The following DHTKD1 variants were observed in gnomAD, a reference collection of about 807,000 sequenced individuals.
The protein encoded by DHTKD1 is dehydrogenase E1 and transketolase domain containing 1.
DHTKD1 carries 78 observed loss-of-function variants against 101.8 expected under a neutral mutation model. The ratio of observed to expected loss-of-function variants is 0.77; its 90% CI spans 0.64 to 0.93. DHTKD1 has a LOEUF of 0.93. Among genes scored for constraint, DHTKD1 ranks in the 40% least tolerant of loss-of-function variants. The probability of loss-of-function intolerance (pLI) is 0.00; values close to 1 mark genes in which losing one functional copy is unlikely to be tolerated. For missense variants in DHTKD1, 1,223 were observed against 1,161.7 expected (o/e 1.05, Z -0.77); for synonymous variants, 462 against 450.3 (o/e 1.03, Z -0.33).
intron 5 of DHTKD1, among the ~76,000 whole-genome samples, chr10:12,090,603 C>T (rs903027895): frequency 2.6e-5 from 4 of 152,102 alleles, no homozygotes; most frequent in African/African-American, 9.7e-5. Context: ...CTGTCTCAGC[C>T]TCCCAAGTAG....
Position 12,106,277 on chromosome 10 carries a change from T to C in DHTKD1, c.1928T>C (p.Val643Ala), listed in dbSNP as rs750414743. 6 of 1,614,000 alleles carry C rather than the reference T, an allele frequency of 3.7e-6. No homozygotes were observed. In the East Asian group the frequency reaches 1.1e-4, roughly 30 times the overall value. Residue 643 changes from valine to alanine, a missense_variant, in exon 11 of 17, where the codon GTC becomes GCC. Coordinates refer to ENST00000263035, the MANE Select transcript of DHTKD1 (RefSeq NM_018706.7). ...AACAGCCCACTGTCAGAAGAGGCCGTCCTGGGATTTGAATATGGGATGAGC... is the reference window on the plus strand; with the variant it reads ...AACAGCCCACTGTCAGAAGAGGCCGCCCTGGGATTTGAATATGGGATGAGC... ...VSNSPLSEEA[V>A]LGFEYGMSIE...
intron 1 of DHTKD1, among the ~76,000 whole-genome samples, chr10:12,078,595 A>G (rs940133769): frequency 1.3e-5 from 2 of 152,128 alleles, no homozygotes; most frequent in Non-Finnish European, 2.9e-5. Context: ...TGGGTGACAG[A>G]GTGAGACTCC....
At chr10:12,111,229 A>G (rs1833325133) in intron 12 of DHTKD1, among the ~76,000 whole-genome samples, 1 of 152,088 alleles carries the variant, frequency 6.6e-6, no homozygotes, top group Non-Finnish European at 1.5e-5. Context: ...GCAATGCTGC[A>G]GTCTTGGCTC....
intron 1 of DHTKD1, among the ~76,000 whole-genome samples, chr10:12,069,647 C>G (rs1473870427): frequency 2.2e-5 from 3 of 138,526 alleles, no homozygotes; most frequent in South Asian, 2.4e-4. Flanking sequence ...CTCAGCGTCC[C>G]GAGTAGCTGG....
rs555477508 is a variant in DHTKD1 at position 12,107,007 on chromosome 10, C to G, written c.2047+611C>G. Among the ~76,000 whole-genome samples the G allele has an allele frequency of 1.3e-4, 19 of 146,306 alleles. 1 individual carries two copies. Among genetic ancestry groups the G allele is most frequent in the Admixed American group, 7.6e-4 (11 of 14,502 alleles). ...CTTTTCTTTTTTTTTTTTTTTGAGA[C>G]GGAGTCTCGCTCTGTCACCCAGGCT... On this transcript the variant is annotated intron_variant, in intron 11 of 16. Transcript: ENST00000263035. This position sits in a 1 kb window ranked among gnomAD's most constrained non-coding sequence, Gnocchi z 4.1.
intron 1 of DHTKD1, among the ~76,000 whole-genome samples, chr10:12,077,232 G>GTT (rs1028042885): frequency 7.1e-6 from 1 of 141,800 alleles, no homozygotes; most frequent in Non-Finnish European, 1.6e-5. Flanking sequence ...AGTGTTTTTT[G>GTT]TTTTTTTTTT....
intron 1 of DHTKD1, among the ~76,000 whole-genome samples, chr10:12,075,882 C>CT (rs1232138023): frequency 6.0e-5 from 9 of 149,918 alleles, no homozygotes; most frequent in East Asian, 3.9e-4. Flanking sequence ...TATTTTACTT[C>CT]TTTTTTTTAC....
At chr10:12,119,388 G>A (rs759779111) in intron 15 of DHTKD1, among the ~76,000 whole-genome samples, 2 of 151,644 alleles carry the variant, frequency 1.3e-5, no homozygotes, top group Non-Finnish European at 2.9e-5. Context: ...GGCCGAGGTG[G>A]GCGGATCACG....
chr10:12,109,081 G>A (rs1403087425), intron 12 of DHTKD1, among the ~76,000 whole-genome samples: 1 of 152,074 alleles, frequency 6.6e-6, no homozygotes, highest in African/African-American at 2.4e-5. Flanking sequence ...GAACCCAGGA[G>A]GCAGAGGTTG....
chr10:12,119,991 T>C (rs1833498535), intron 15 of DHTKD1, among the ~76,000 whole-genome samples, 191 bp from the exon 16 acceptor site: 1 of 152,148 alleles, frequency 6.6e-6, no homozygotes, highest in Non-Finnish European at 1.5e-5. Flanking sequence ...TCTCAGATAA[T>C]TTATCGAATA....
chr10:12,090,401 CTTCCTTTT>C (rs1287372057), intron 5 of DHTKD1, among the ~76,000 whole-genome samples: 12 of 56,104 alleles, frequency 2.1e-4, no homozygotes, highest in East Asian at 4.8e-4. Flanking sequence ...TCCTTCCTTC[CTTCCTTTT>C]TTCCTTCCTT....
rs112260923 is a variant in DHTKD1 at position 12,110,355 on chromosome 10, AT to A, written c.2154+2352del. ...AAACTTTCTTAAAACATTATTTGTG[AT>A]TTTTTTTTTTTACCTTATTAGCCAT... On this transcript the variant is annotated intron_variant, in intron 12 of 16. Coordinates refer to ENST00000263035, the MANE Select transcript of DHTKD1 (RefSeq NM_018706.7). This position sits in a 1 kb window ranked among gnomAD's most constrained non-coding sequence, Gnocchi z 4.9. Among the ~76,000 whole-genome samples, 1,235 of 147,180 alleles carry A rather than the reference AT, an allele frequency of 8.4e-3. 12 individuals carry two copies. Among genetic ancestry groups the A allele is most frequent in the African/African-American group, 0.028 (1,135 of 40,468 alleles).
At chr10:12,119,107 C>T (rs574256160) in intron 15 of DHTKD1, among the ~76,000 whole-genome samples, 189 bp downstream of exon 15, 24 of 151,634 alleles carry the variant, frequency 1.6e-4, no homozygotes, top group Non-Finnish European at 2.9e-4. Flanking sequence ...GAGATTGAGA[C>T]CATCCTGGCT....
chr10:12,075,026 G>A (rs901452530), intron 1 of DHTKD1, among the ~76,000 whole-genome samples: 4 of 152,158 alleles, frequency 2.6e-5, no homozygotes, highest in East Asian at 1.9e-4. Flanking sequence ...CAGGAGAATC[G>A]CTGGAACCTG....
chr10:12,111,457 C>G (rs768765679), intron 12 of DHTKD1, among the ~76,000 whole-genome samples: 1 of 152,180 alleles, frequency 6.6e-6, no homozygotes, highest in South Asian at 2.1e-4. Context: ...TGGGCCACCG[C>G]GCCAGGCCTT....
chr10:12,073,286 GCCTCCC>G (rs1457452791), intron 1 of DHTKD1, among the ~76,000 whole-genome samples: 5 of 152,168 alleles, frequency 3.3e-5, no homozygotes, highest in Non-Finnish European at 4.4e-5. Context: ...AACAACCTCT[GCCTCCC>G]AAAGTTCTGG....
At chr10:12,077,929 C>G (rs1172959025) in intron 1 of DHTKD1, among the ~76,000 whole-genome samples, 1 of 151,780 alleles carries the variant, frequency 6.6e-6, no homozygotes, top group Non-Finnish European at 1.5e-5. Context: ...AGAAACCTGC[C>G]CGAAGAAATG....
At chr10:12,100,287 G>GTGTTTTTTTT in intron 9 of DHTKD1, 25 bp downstream of exon 9, 1 of 269,860 alleles carries the variant, frequency 3.7e-6, no homozygotes, top group Non-Finnish European at 6.1e-6. Flanking sequence ...TTTTTTTTCT[G>GTGTTTTTTTT]TTTTTTTTTT....
rs541557037 is a variant in DHTKD1 at position 12,106,922 on chromosome 10, CCT to C, written c.2047+527_2047+528del. 8.5e-5 allele frequency among the ~76,000 whole-genome samples: 13 copies of C among 152,256 alleles called. No homozygotes were observed. The South Asian group carries it at 2.7e-3, about 32-fold the overall frequency. ...GACTGTTCTGTCGTGCCCACCACCC[CCT>C]GTTTCAAGACAGTGGCCTGTGTTGT... On this transcript the variant is annotated intron_variant, in intron 11 of 16. Transcript: ENST00000263035.
Sources: gnomAD v4.1 joint callset for allele counts (sites outside exome capture counted in the v4.1 genomes callset) on GRCh38, gnomAD v4.1.1 for gene constraint, Gnocchi (gnomAD v3.1) non-coding constraint, MANE v1.5 for transcripts, NCBI Gene and HGNC (gene_info 2026-07-23, HGNC 2026-07-21) for gene names.